Variants in COBL observed in about 807,000 individuals in gnomAD.
COBL encodes protein cordon-bleu.
A neutral mutation model predicts 98.8 loss-of-function variants in COBL; 51 were observed. The ratio of observed to expected loss-of-function variants is 0.52; its 90% confidence interval spans 0.41 to 0.65. The LOEUF (loss-of-function observed/expected upper bound fraction) is 0.65. COBL is among the 30% of genes least tolerant of loss of function. The probability of loss-of-function intolerance (pLI) is 0.00; values close to 1 mark genes in which losing one functional copy is unlikely to be tolerated. For synonymous variants in COBL, 634 were observed against 651.7 expected (o/e 0.97, Z 0.41); for missense variants, 1,617 against 1,617.5 (o/e 1.00, Z 0.01).
intron 1 of COBL, among the ~76,000 whole-genome samples, chr7:51,296,848 C>T (rs1801459610): frequency 6.6e-6 from 1 of 152,182 alleles, no homozygotes; most frequent in African/African-American, 2.4e-5. Context: ...TACTGGAAAA[C>T]GACCATGCTG....
chr7:51,214,228 C>T (rs1349891584), intron 2 of COBL, among the ~76,000 whole-genome samples: 1 of 151,730 alleles, frequency 6.6e-6, no homozygotes, highest in African/African-American at 2.4e-5. Flanking sequence ...ATTGTGCCGC[C>T]ACTGCACTGT....
At chr7:51,122,251 C>A (rs1401049105) in intron 6 of COBL, among the ~76,000 whole-genome samples, 1 of 151,940 alleles carries the variant, frequency 6.6e-6, no homozygotes, top group Admixed American at 6.5e-5. Context: ...CTCCAGCTTC[C>A]TTTCTCTGCA....
At chr7:51,075,045 G>GT in intron 7 of COBL, among the ~76,000 whole-genome samples, 1 of 152,266 alleles carries the variant, frequency 6.6e-6, no homozygotes, top group East Asian at 1.9e-4. Flanking sequence ...GCATCAGACA[G>GT]TAAGATGAGA....
At chr7:51,190,794 C>A in intron 4 of COBL, 56 bp downstream of exon 4, 1 of 1,421,090 alleles carries the variant, frequency 7.0e-7, no homozygotes, top group South Asian at 1.2e-5. Flanking sequence ...GGGACATGTA[C>A]ACGCCGCGCA....
At chr7:51,062,640 A>G (rs1481226823) in intron 7 of COBL, among the ~76,000 whole-genome samples, 2 of 152,322 alleles carry the variant, frequency 1.3e-5, no homozygotes, top group South Asian at 2.1e-4. Context: ...TCATCATTGC[A>G]TGGAAACGTG....
Position 51,191,198 on chromosome 7 carries a change from C to T in COBL, c.457-120G>A. The T allele has an allele frequency of 5.1e-6, 4 of 776,760 alleles. No homozygotes were observed. The South Asian group carries it at 6.8e-5, about 13-fold the overall frequency. The allele number at this position is 776,760 out of a possible 1,614,324, so 48.1% of individuals were successfully genotyped here. On this transcript the variant is annotated intron_variant, in intron 3 of 12. Transcript: ENST00000265136. ...GTGTGTAGCCTGAATCCTTCTTCCA[C>T]AAATTGAGTGAGTAATGGGGGAAAA...
rs76265922 is a variant in COBL, at chr7:51,030,876, T to A, written c.1440A>T (p.Glu480Asp). Residue 480 changes from glutamate to aspartate, a missense_variant, in exon 9 of 13, where the codon GAA becomes GAT. Coordinates refer to ENST00000265136, the MANE Select transcript of COBL (RefSeq NM_015198.5). ...ACTCTCCAGCAATTAATAGGTCTTCTTCATCATTTGAGGCTGTGACAGCTT... is the reference window on the plus strand; with the variant it reads ...ACTCTCCAGCAATTAATAGGTCTTCATCATCATTTGAGGCTGTGACAGCTT... ...TEKAVTASNDEEDLLIAGEFR... is the reference protein window; with the variant it reads ...TEKAVTASNDDEDLLIAGEFR... 1 of 1,486,450 alleles carries A rather than the reference T, an allele frequency of 6.7e-7. No individual in the cohort carries two copies. Among genetic ancestry groups the A allele is most frequent in the Non-Finnish European group, 9.2e-7 (1 of 1,083,174 alleles). 92.1% of individuals were successfully genotyped at this position (1,486,450 alleles called of 1,614,324 possible).
At chr7:51,152,254 A>G (rs917377842) in intron 5 of COBL, among the ~76,000 whole-genome samples, 5 of 152,254 alleles carry the variant, frequency 3.3e-5, no homozygotes, top group Admixed American at 1.3e-4. Flanking sequence ...AAGGTAAGAC[A>G]AAATTTAGGA....
At chr7:51,097,949 G>A (rs180844102) in intron 6 of COBL, among the ~76,000 whole-genome samples, 4 of 150,168 alleles carry the variant, frequency 2.7e-5, no homozygotes, top group Non-Finnish European at 4.4e-5. Flanking sequence ...GCATGAACCC[G>A]GCAGGCGGAG....
In COBL at chr7:51,242,086, C is replaced by T. The variant is rs114070427; in HGVS notation, c.42-22142G>A. 3.1e-3 allele frequency among the ~76,000 whole-genome samples: 474 copies of T among 152,308 alleles called. 2 individuals are homozygous for T. The highest frequency in any genetic ancestry group is 0.011 in the African/African-American group (442 of 41,558). The stretch of plus-strand genomic sequence containing the variant: ...TGGTCTCAGGCCAAGTCTTCATTTG[C>T]GTAAGAGTATAACTTTGTAACTTCA... On this transcript the variant is annotated intron_variant, in intron 1 of 12. Coordinates refer to ENST00000265136, the MANE Select transcript of COBL (RefSeq NM_015198.5).
At chr7:51,294,098 C>T in intron 1 of COBL, among the ~76,000 whole-genome samples, 1 of 152,200 alleles carries the variant, frequency 6.6e-6, no homozygotes, top group Non-Finnish European at 1.5e-5. Flanking sequence ...CGAGACCAGC[C>T]TGGCCAACAT....
At chr7:51,159,156 C>T (rs1350244665) in intron 5 of COBL, among the ~76,000 whole-genome samples, 4 of 152,172 alleles carry the variant, frequency 2.6e-5, no homozygotes, top group Non-Finnish European at 4.4e-5. Context: ...CGGCCGCGCG[C>T]GCTGCGCTCT....
chr7:51,286,129 AAAAGT>A, intron 1 of COBL, among the ~76,000 whole-genome samples: 1 of 152,312 alleles, frequency 6.6e-6, no homozygotes, highest in East Asian at 1.9e-4. Flanking sequence ...ATCTAAATGG[AAAAGT>A]AAAGGTATAA....
At chr7:51,076,113 G>C (rs1458258730) in intron 7 of COBL, among the ~76,000 whole-genome samples, 5 of 152,164 alleles carry the variant, frequency 3.3e-5, no homozygotes, top group Non-Finnish European at 1.5e-5. Context: ...CCAAGGGCAA[G>C]AATGCTTCCC....
intron 1 of COBL, among the ~76,000 whole-genome samples, chr7:51,228,157 C>G (rs1275220720): frequency 6.6e-6 from 1 of 152,104 alleles, no homozygotes; most frequent in Non-Finnish European, 1.5e-5. Flanking sequence ...CAGGTCAAAT[C>G]CAGCCACGAC....
At chr7:51,165,708 T>C (rs1292754850) in intron 5 of COBL, among the ~76,000 whole-genome samples, 1 of 152,028 alleles carries the variant, frequency 6.6e-6, no homozygotes, top group Non-Finnish European at 1.5e-5. Context: ...ACAGACCATA[T>C]GTTAAGTCAC....
chr7:51,058,732 G>A (rs1334818726), intron 7 of COBL, among the ~76,000 whole-genome samples: 3 of 152,200 alleles, frequency 2.0e-5, no homozygotes, highest in Non-Finnish European at 4.4e-5. Context: ...ATGGAGAGGC[G>A]TGATGAGGCA....
chr7:51,027,160 C>G (rs1787658985), intron 10 of COBL, among the ~76,000 whole-genome samples: 1 of 152,224 alleles, frequency 6.6e-6, no homozygotes, highest in African/African-American at 2.4e-5. Context: ...CACTGTGCCT[C>G]AGTTTCATCT....
At chr7:51,174,081 A>T (rs1018404089) in intron 5 of COBL, among the ~76,000 whole-genome samples, 2 of 152,210 alleles carry the variant, frequency 1.3e-5, no homozygotes, top group South Asian at 2.1e-4. Flanking sequence ...AAATTATTTT[A>T]AAAAATTATT....
Sources: gnomAD v4.1 joint callset for allele counts (sites outside exome capture counted in the v4.1 genomes callset) on GRCh38, gnomAD v4.1.1 for gene constraint, MANE v1.5 for transcripts, NCBI Gene and HGNC (gene_info 2026-07-23, HGNC 2026-07-21) for gene names.